CCBE1: variants seen among roughly 807,000 people sequenced by gnomAD.
CCBE1 encodes the protein collagen and calcium-binding EGF domain-containing protein 1.
Under a neutral mutation model 50.0 loss-of-function variants are expected in CCBE1, and 37 were observed. The ratio of observed to expected loss-of-function variants is 0.74; its 90% CI spans 0.57 to 0.97. The LOEUF is 0.97. Ranked by LOEUF, CCBE1 falls within the 50% of genes least tolerant of loss-of-function variation. CCBE1 has a pLI of 0.00. For missense variants in CCBE1, 538 were observed against 523.8 expected (o/e 1.03, Z -0.26); for synonymous variants, 234 against 203.7 (o/e 1.15, Z -1.27).
At chr18:59,454,540 C>T (rs1216690880) in intron 6 of CCBE1, among the ~76,000 whole-genome samples, 1 of 152,184 alleles carries the variant, frequency 6.6e-6, no homozygotes, top group African/African-American at 2.4e-5. Context: ...GTCACCGCAC[C>T]CGGCTGGAAA....
At chr18:59,484,899 G>A (rs112780227) in intron 2 of CCBE1, among the ~76,000 whole-genome samples, 113 of 152,266 alleles carry the variant, frequency 7.4e-4, no homozygotes, top group African/African-American at 2.5e-3. Context: ...CTGGTTGCAC[G>A]TTATACTGTT....
chr18:59,606,272 A>C (rs551015475), intron 2 of CCBE1, among the ~76,000 whole-genome samples: 1 of 152,288 alleles, frequency 6.6e-6, no homozygotes, highest in East Asian at 1.9e-4. Context: ...TTAGGATGGA[A>C]TTCCTCAGAT....
rs768697002 is a variant in CCBE1, at chr18:59,448,113, G to A, written c.655-10C>T. 3 of 1,613,814 alleles carry A rather than the reference G, an allele frequency of 1.9e-6. No homozygotes were observed. Among genetic ancestry groups the A allele is most frequent in the African/African-American group, 2.7e-5 (2 of 74,890 alleles). ...TGGGGAGCAGAGCAATCTGCAAGGA[G>A]AAGAGGAAGCCTCAGTCAGGAAGCA... On this transcript the variant is annotated splice_polypyrimidine_tract_variant and intron_variant, in intron 6 of 10. Transcript: ENST00000439986.
At chr18:59,574,780 A>G (rs1475617027) in intron 2 of CCBE1, among the ~76,000 whole-genome samples, 1 of 152,130 alleles carries the variant, frequency 6.6e-6, no homozygotes, top group Non-Finnish European at 1.5e-5. Flanking sequence ...TTATACCTCT[A>G]GGTAGATGAC....
At chr18:59,671,857 G>A (rs1274931147) in intron 2 of CCBE1, among the ~76,000 whole-genome samples, 1 of 151,880 alleles carries the variant, frequency 6.6e-6, no homozygotes, top group African/African-American at 2.4e-5. Flanking sequence ...CTAGAGAGCA[G>A]ATTTAATGAG....
chr18:59,477,025 AGGAATACTTCT>A, intron 3 of CCBE1, among the ~76,000 whole-genome samples: 1 of 152,234 alleles, frequency 6.6e-6, no homozygotes, highest in African/African-American at 2.4e-5. Context: ...TTTCAAAGGG[AGGAATACTTCT>A]AGCAACAGAA....
chr18:59,581,871 C>T (rs1467519936), intron 2 of CCBE1, among the ~76,000 whole-genome samples: 3 of 152,182 alleles, frequency 2.0e-5, no homozygotes, highest in Non-Finnish European at 4.4e-5. Flanking sequence ...CGCTGAGAAC[C>T]ACTGCACTCA....
At chr18:59,520,917 G>T (rs1914570703) in intron 2 of CCBE1, among the ~76,000 whole-genome samples, 1 of 152,228 alleles carries the variant, frequency 6.6e-6, no homozygotes, top group African/African-American at 2.4e-5. Context: ...TGGGTGCTGT[G>T]TTGATACAGT....
rs191579415 is a variant in CCBE1 at position 59,454,718 on chromosome 18, T to C, written c.654+133A>G. The C allele has an allele frequency of 1.5e-5, 12 of 812,070 alleles. No individual in the cohort carries two copies. The East Asian group carries it at 2.4e-4, about 16-fold the overall frequency. 50.3% of individuals were successfully genotyped at this position (812,070 alleles called of 1,614,324 possible). A position where few individuals can be genotyped will look rare whatever the true frequency, so the allele number is the denominator to read the frequency against. On this transcript the variant is annotated intron_variant, in intron 6 of 10. Coordinates refer to ENST00000439986, the MANE Select transcript of CCBE1 (RefSeq NM_133459.4). Reference sequence around the variant, plus strand: ...GGGTGGGCAAAACATCCCAAGTCCATGCAAACCTCACTGGCATCAACTGCG... The same window carrying C: ...GGGTGGGCAAAACATCCCAAGTCCACGCAAACCTCACTGGCATCAACTGCG...
At chr18:59,542,800 TG>T (rs1915521101) in intron 2 of CCBE1, among the ~76,000 whole-genome samples, 1 of 152,174 alleles carries the variant, frequency 6.6e-6, no homozygotes, top group Admixed American at 6.5e-5. Context: ...TCTCCCCTTC[TG>T]GTGCCACTGC....
intron 5 of CCBE1, among the ~76,000 whole-genome samples, chr18:59,457,423 T>C (rs1364249390): frequency 6.6e-6 from 1 of 152,212 alleles, no homozygotes; most frequent in Non-Finnish European, 1.5e-5. Flanking sequence ...GGCAGGTTAC[T>C]TGGCCTCCAC....
chr18:59,549,131 C>T (rs142171668), intron 2 of CCBE1, among the ~76,000 whole-genome samples: 2 of 147,552 alleles, frequency 1.4e-5, no homozygotes, highest in East Asian at 4.0e-4. Context: ...ATTCACTTTG[C>T]ATGGTGAGGG....
chr18:59,612,336 A>AC (rs1406284690), intron 2 of CCBE1, among the ~76,000 whole-genome samples: 3 of 150,016 alleles, frequency 2.0e-5, no homozygotes, highest in African/African-American at 7.5e-5. Flanking sequence ...AAAAGAAAAA[A>AC]AAAAAAACAA....
chr18:59,563,418 G>A (rs776857494), intron 2 of CCBE1, among the ~76,000 whole-genome samples: 1 of 152,182 alleles, frequency 6.6e-6, no homozygotes, highest in East Asian at 1.9e-4. Context: ...GGGTATTTAC[G>A]AAATTATAGA....
intron 2 of CCBE1, among the ~76,000 whole-genome samples, chr18:59,660,335 T>C (rs917192742): frequency 5.3e-5 from 8 of 152,200 alleles, no homozygotes; most frequent in Non-Finnish European, 8.8e-5. Flanking sequence ...AAATGCCCTT[T>C]AAATAGAGGC....
chr18:59,592,198 G>A (rs1237445064), intron 2 of CCBE1, among the ~76,000 whole-genome samples: 2 of 152,178 alleles, frequency 1.3e-5, no homozygotes, highest in Non-Finnish European at 2.9e-5. Context: ...AACAGCCACT[G>A]CACTCCAACC....
chr18:59,671,526 A>G (rs2054431064), intron 2 of CCBE1, among the ~76,000 whole-genome samples: 1 of 151,890 alleles, frequency 6.6e-6, no homozygotes, highest in African/African-American at 2.4e-5. Flanking sequence ...AGTAAGAAAA[A>G]GAAGTAACTG....
intron 2 of CCBE1, among the ~76,000 whole-genome samples, chr18:59,517,728 A>C (rs1005424722): frequency 3.9e-5 from 6 of 152,086 alleles, no homozygotes; most frequent in Admixed American, 6.5e-5. Flanking sequence ...GACACAAAGC[A>C]GCAAGTTTTC....
intron 7 of CCBE1, among the ~76,000 whole-genome samples, chr18:59,441,400 C>T (rs567029071): frequency 2.6e-5 from 4 of 151,460 alleles, no homozygotes; most frequent in African/African-American, 9.7e-5. Context: ...ATCCCAGCTA[C>T]TCAGGAGGCT....
Sources: allele counts gnomAD v4.1 joint callset (sites outside exome capture counted in the v4.1 genomes callset), GRCh38; gene constraint gnomAD v4.1.1; transcripts MANE v1.5; gene names NCBI Gene and HGNC (gene_info 2026-07-23, HGNC 2026-07-21).